The following SYT1 variants were observed in gnomAD, a reference collection of about 807,000 sequenced individuals.
SYT1 encodes the protein synaptotagmin-1.
In SYT1, 8 loss-of-function variants were observed where a neutral mutation model predicts 44.8. That is an observed-to-expected ratio of 0.18 (90% CI 0.10 to 0.32). The LOEUF (loss-of-function observed/expected upper bound fraction) is 0.32. SYT1 is among the 10% of genes least tolerant of loss of function. SYT1 has a pLI of 1.00. For missense variants in SYT1, 286 were observed against 509.3 expected (o/e 0.56, Z 4.22); for synonymous variants, 154 against 188.8 (o/e 0.82, Z 1.51).
intron 9 of SYT1, among the ~76,000 whole-genome samples, chr12:79,364,570 G>A (rs945172781): frequency 6.6e-6 from 1 of 151,990 alleles, no homozygotes; most frequent in Admixed American, 6.6e-5. Context: ...ACAACTAGGA[G>A]GCTTCCTATA....
intron 2 of SYT1, among the ~76,000 whole-genome samples, chr12:79,044,312 A>G (rs1240224056): frequency 1.3e-5 from 2 of 152,074 alleles, no homozygotes; most frequent in African/African-American, 2.4e-5. Context: ...ATTTCTTGGA[A>G]GCTTTGCTCA....
At chr12:79,050,523 A>G (rs1242469202) in intron 3 of SYT1, among the ~76,000 whole-genome samples, 6 of 152,076 alleles carry the variant, frequency 3.9e-5, no homozygotes, top group African/African-American at 1.4e-4. Flanking sequence ...GATACTAATA[A>G]TAAAGAGGGT....
At chr12:79,273,141 A>G (rs1026042785) in intron 4 of SYT1, among the ~76,000 whole-genome samples, 3 of 142,584 alleles carry the variant, frequency 2.1e-5, no homozygotes, top group East Asian at 2.1e-4. Context: ...TTTTTTGACA[A>G]TATCTCGCTC....
At chr12:78,994,815 G>T (rs1213658547) in intron 2 of SYT1, among the ~76,000 whole-genome samples, 1 of 152,030 alleles carries the variant, frequency 6.6e-6, no homozygotes, top group African/African-American at 2.4e-5. Context: ...GATTACAGGC[G>T]TGAGCCACTG....
intron 1 of SYT1, among the ~76,000 whole-genome samples, chr12:78,900,279 A>G (rs1399289928): frequency 6.6e-6 from 1 of 152,148 alleles, no homozygotes; most frequent in Non-Finnish European, 1.5e-5. Context: ...TTCTATTACT[A>G]ATACTAAATT....
chr12:79,348,435 C>T (rs1332700640), intron 8 of SYT1, among the ~76,000 whole-genome samples: 1 of 152,060 alleles, frequency 6.6e-6, no homozygotes, highest in Non-Finnish European at 1.5e-5. Context: ...CCTACTTGGA[C>T]TAGAGTAATA....
intron 4 of SYT1, among the ~76,000 whole-genome samples, chr12:79,220,290 A>G (rs1375749348): frequency 1.3e-5 from 2 of 151,686 alleles, no homozygotes; most frequent in Non-Finnish European, 2.9e-5. Context: ...TATTTTATTT[A>G]TTTGAGTCTT....
intron 3 of SYT1, among the ~76,000 whole-genome samples, chr12:79,057,970 A>G (rs887301510): frequency 1.3e-5 from 2 of 152,096 alleles, no homozygotes; most frequent in Non-Finnish European, 2.9e-5. Flanking sequence ...GCAACAAAAT[A>G]ATTATTTGAA....
chr12:78,874,681 G>A lies in SYT1; in HGVS notation c.-217+9572G>A, dbSNP rs1320587265. Among the ~76,000 whole-genome samples the A allele has an allele frequency of 1.3e-4, 19 of 151,516 alleles. No individual in the cohort carries two copies. The Admixed American group carries it at 1.3e-3, about 10-fold the overall frequency. The stretch of plus-strand genomic sequence containing the variant: ...AGAAAAGGGATTTTGGTGCTCATGT[G>A]ACCATAAAGTTCATGAATATTCTGG... On this transcript the variant is annotated intron_variant, in intron 1 of 10. Coordinates refer to ENST00000261205, the MANE Select transcript of SYT1 (RefSeq NM_005639.3).
chr12:79,163,592 G>A (rs1459829352), intron 3 of SYT1, among the ~76,000 whole-genome samples: 1 of 152,018 alleles, frequency 6.6e-6, no homozygotes, highest in Non-Finnish European at 1.5e-5. Context: ...GTCAGTAATT[G>A]TCAGGGTCAA....
At chr12:78,991,409 A>G (rs1870001263) in intron 2 of SYT1, among the ~76,000 whole-genome samples, 2 of 152,124 alleles carry the variant, frequency 1.3e-5, no homozygotes, top group African/African-American at 2.4e-5. Flanking sequence ...AAAACATCAT[A>G]TCATGTCTCT....
chr12:79,445,988 G>GACAC (rs1224070058), intron 10 of SYT1, among the ~76,000 whole-genome samples: 3 of 46,932 alleles, frequency 6.4e-5, no homozygotes, highest in Non-Finnish European at 8.5e-5. Context: ...TTAATCCAAA[G>GACAC]ACATATATAT....
intron 3 of SYT1, among the ~76,000 whole-genome samples, chr12:79,172,377 T>C (rs2138355788): frequency 6.6e-6 from 1 of 152,148 alleles, no homozygotes; most frequent in South Asian, 2.1e-4. Flanking sequence ...GTAAGACATT[T>C]ACTGGGACAC....
At chr12:79,365,526 G>A (rs1161136509) in intron 9 of SYT1, among the ~76,000 whole-genome samples, 4 of 151,976 alleles carry the variant, frequency 2.6e-5, no homozygotes, top group African/African-American at 7.2e-5. Flanking sequence ...AGTAACACAC[G>A]AAAAGAAAGC....
intron 2 of SYT1, among the ~76,000 whole-genome samples, chr12:79,011,331 A>G (rs531201759): frequency 1.3e-4 from 20 of 152,342 alleles, no homozygotes; most frequent in African/African-American, 4.6e-4. Flanking sequence ...TAGAAGAAGG[A>G]TAATTAATCA....
chr12:78,988,999 A>G (rs1869841478), intron 2 of SYT1, among the ~76,000 whole-genome samples: 1 of 152,116 alleles, frequency 6.6e-6, no homozygotes, highest in African/African-American at 2.4e-5. Context: ...ATGTTTTTAA[A>G]GTAGAACCTA....
At chr12:78,949,787 A>C (rs1355771741) in intron 1 of SYT1, among the ~76,000 whole-genome samples, 1 of 152,034 alleles carries the variant, frequency 6.6e-6, no homozygotes, top group Non-Finnish European at 1.5e-5. Flanking sequence ...GAGAAGCCAC[A>C]GAGGATAGTA....
chr12:79,117,662 CAT>C (rs57706449), intron 3 of SYT1, among the ~76,000 whole-genome samples: 930 of 38,694 alleles, frequency 0.024, 11 homozygotes, highest in Middle Eastern at 0.05. Context: ...TGTATTACAT[CAT>C]ATATATATAT....
intron 3 of SYT1, among the ~76,000 whole-genome samples, chr12:79,200,664 T>C (rs1276305589): frequency 2.0e-5 from 3 of 152,192 alleles, no homozygotes; most frequent in African/African-American, 7.2e-5. Context: ...TGTCACCATG[T>C]GTAATACTCT....
Sources: allele counts gnomAD v4.1 joint callset (sites outside exome capture counted in the v4.1 genomes callset), GRCh38; gene constraint gnomAD v4.1.1; transcripts MANE v1.5; gene names NCBI Gene and HGNC (gene_info 2026-07-23, HGNC 2026-07-21).